Variants in MAPKAP1 observed in about 807,000 individuals in gnomAD.
The protein encoded by MAPKAP1 is target of rapamycin complex 2 subunit MAPKAP1.
A neutral mutation model predicts 65.7 loss-of-function variants in MAPKAP1; 20 were observed. The ratio of observed to expected loss-of-function variants is 0.30; its 90% CI spans 0.21 to 0.44. The LOEUF is 0.44. MAPKAP1 is among the 20% of genes least tolerant of loss of function. The pLI, the probability that MAPKAP1 is intolerant of heterozygous loss-of-function variation, is 1.00. For synonymous variants in MAPKAP1, 222 were observed against 244.3 expected (o/e 0.91, Z 0.85); for missense variants, 423 against 648.0 (o/e 0.65, Z 3.77).
chr9:125,510,528 A>G (rs1378547538), intron 7 of MAPKAP1, among the ~76,000 whole-genome samples: 1 of 152,174 alleles, frequency 6.6e-6, no homozygotes, highest in Non-Finnish European at 1.5e-5. Context: ...AGGAAGGCCC[A>G]TCCATCTTTC....
chr9:125,502,347 C>T (rs538082349), intron 8 of MAPKAP1, among the ~76,000 whole-genome samples: 16 of 152,166 alleles, frequency 1.1e-4, no homozygotes, highest in South Asian at 2.1e-4. Context: ...GGTGATCCAC[C>T]GGCTCGGCCT....
chr9:125,602,248 G>T (rs1832319749), intron 4 of MAPKAP1, among the ~76,000 whole-genome samples: 2 of 152,158 alleles, frequency 1.3e-5, no homozygotes, highest in South Asian at 4.1e-4. Context: ...GGGAGACCTT[G>T]TCTCAAAAAG....
chr9:125,507,941 G>A (rs1052659779), intron 7 of MAPKAP1, among the ~76,000 whole-genome samples: 10 of 151,926 alleles, frequency 6.6e-5, no homozygotes, highest in East Asian at 1.9e-4. Flanking sequence ...CCAGCACTTC[G>A]GGGGGACCAA....
intron 7 of MAPKAP1, among the ~76,000 whole-genome samples, chr9:125,516,546 C>T (rs1589251549): frequency 6.6e-6 from 1 of 152,276 alleles, no homozygotes; most frequent in East Asian, 1.9e-4. Context: ...AGGCCACAGG[C>T]TCTCAATATT....
intron 7 of MAPKAP1, among the ~76,000 whole-genome samples, chr9:125,534,175 A>G (rs1226492718): frequency 2.0e-5 from 3 of 152,246 alleles, no homozygotes; most frequent in African/African-American, 7.2e-5. Context: ...AAAAATAACA[A>G]AAACAAAAAA....
intron 4 of MAPKAP1, among the ~76,000 whole-genome samples, chr9:125,653,703 G>A (rs998874964): frequency 6.6e-6 from 1 of 152,172 alleles, no homozygotes; most frequent in Non-Finnish European, 1.5e-5. Context: ...GGAGCCATGG[G>A]GATTCGAATG....
chr9:125,458,907 G>A (rs1304944959), intron 10 of MAPKAP1, among the ~76,000 whole-genome samples: 2 of 4,510 alleles, frequency 4.4e-4, no homozygotes, highest in Non-Finnish European at 4.5e-4. Context: ...CTGGCCGGGC[G>A]GGGGGCTGAC....
rs1042863674 is a variant in MAPKAP1 at position 125,478,968 on chromosome 9, G to C, written c.1207+5475C>G. Among the ~76,000 whole-genome samples, 2 of 152,094 alleles carry C rather than the reference G, an allele frequency of 1.3e-5. 1 individual carries two copies. Among genetic ancestry groups the C allele is most frequent in the Admixed American group, 1.3e-4 (2 of 15,268 alleles). On this transcript the variant is annotated intron_variant, in intron 9 of 11. Transcript: ENST00000265960. ...CCACAGAGATTTAGCACAATGATTCGCATGTAAGGCAGAGCAGTTAGGCTC... is the reference window on the plus strand; with the variant it reads ...CCACAGAGATTTAGCACAATGATTCCCATGTAAGGCAGAGCAGTTAGGCTC...
chr9:125,645,861 T>C (rs1017093411), intron 4 of MAPKAP1, among the ~76,000 whole-genome samples: 1 of 152,158 alleles, frequency 6.6e-6, no homozygotes, highest in African/African-American at 2.4e-5. Flanking sequence ...TGTTTATCCC[T>C]GTCAGTGTGC....
At chr9:125,670,609 C>A (rs1307216184) in intron 2 of MAPKAP1, among the ~76,000 whole-genome samples, 1 of 152,184 alleles carries the variant, frequency 6.6e-6, no homozygotes, top group Non-Finnish European at 1.5e-5. Context: ...TTATTAGCAT[C>A]TAAGTGCTAC....
intron 9 of MAPKAP1, among the ~76,000 whole-genome samples, chr9:125,469,991 G>A (rs1853839588): frequency 1.3e-5 from 2 of 152,070 alleles, no homozygotes; most frequent in African/African-American, 4.8e-5. Flanking sequence ...AAGTCAAAAT[G>A]AGCCGAGCAG....
Position 125,506,257 on chromosome 9 carries a change from C to T in MAPKAP1, c.1066+53G>A, listed in dbSNP as rs572386071. 6.1e-5 allele frequency: 91 copies of T among 1,491,102 alleles called. 1 individual carries two copies. In the South Asian group the frequency reaches 9.0e-4, roughly 15 times the overall value. The allele number at this position is 1,491,102 out of a possible 1,614,324, so 92.4% of individuals were successfully genotyped here. ...GTGAGCGTTTCCAAACACATGACTT[C>T]TAAGCAAGTTTGCAACGGACAAAGC... is the stretch of plus-strand genomic sequence containing the variant. On this transcript the variant is annotated intron_variant, in intron 8 of 11. Transcript: ENST00000265960.
At chr9:125,519,671 T>TATATAA (rs886315788) in intron 7 of MAPKAP1, among the ~76,000 whole-genome samples, 2 of 147,824 alleles carry the variant, frequency 1.4e-5, no homozygotes, top group Non-Finnish European at 3.0e-5. Context: ...TATATATATA[T>TATATAA]AATTTAAAAA....
At chr9:125,440,243 T>C (rs1852430750) in intron 11 of MAPKAP1, among the ~76,000 whole-genome samples, 1 of 152,168 alleles carries the variant, frequency 6.6e-6, no homozygotes, top group Non-Finnish European at 1.5e-5. Flanking sequence ...ACAATAATCT[T>C]GAGACAGATG....
chr9:125,625,780 G>GT (rs766993487), intron 4 of MAPKAP1, among the ~76,000 whole-genome samples: 1 of 152,130 alleles, frequency 6.6e-6, no homozygotes, highest in African/African-American at 2.4e-5. Context: ...GTGTGACAGA[G>GT]TGAGACTCCA....
chr9:125,545,717 TAA>T (rs1830402737), intron 6 of MAPKAP1, among the ~76,000 whole-genome samples: 1 of 152,198 alleles, frequency 6.6e-6, no homozygotes, highest in South Asian at 2.1e-4. Context: ...TTCCATAAAT[TAA>T]AAGTGTCCTT....
chr9:125,448,488 GCCTCAGACACCTCACAGTTCATCTC>G (rs1852803614), intron 10 of MAPKAP1, among the ~76,000 whole-genome samples: 1 of 152,178 alleles, frequency 6.6e-6, no homozygotes, highest in South Asian at 2.1e-4. Flanking sequence ...GATACCATCA[GCCTCAGACACCTCACAGTTCATCTC>G]AGGTAGAAGA....
intron 6 of MAPKAP1, among the ~76,000 whole-genome samples, chr9:125,550,387 T>C (rs1830551271): frequency 1.3e-5 from 2 of 152,044 alleles, no homozygotes; most frequent in Admixed American, 6.5e-5. Context: ...ACCAAACCAA[T>C]CACATGGGCT....
intron 10 of MAPKAP1, among the ~76,000 whole-genome samples, chr9:125,462,120 G>A (rs140554395): frequency 6.6e-6 from 1 of 152,380 alleles, no homozygotes; most frequent in African/African-American, 2.4e-5. Flanking sequence ...GAGCAAGCAA[G>A]AGCGCACATG....
Sources: gnomAD v4.1 joint callset for allele counts (sites outside exome capture counted in the v4.1 genomes callset) on GRCh38, gnomAD v4.1.1 for gene constraint, MANE v1.5 for transcripts, NCBI Gene and HGNC (gene_info 2026-07-23, HGNC 2026-07-21) for gene names.